TMEM117: variants seen among roughly 807,000 people sequenced by gnomAD.
The protein encoded by TMEM117 is transmembrane protein 117.
TMEM117 carries 27 observed loss-of-function variants against 52.4 expected under a neutral mutation model. That is an observed-to-expected ratio of 0.51 (90% confidence interval 0.38 to 0.71). TMEM117 has a LOEUF of 0.71. TMEM117 is among the 30% of genes least tolerant of loss of function. The pLI is 0.00. For missense variants in TMEM117, 556 were observed against 630.5 expected, an observed-to-expected ratio of 0.88 and a Z score of 1.26; for synonymous variants, 215 against 206.3, an observed-to-expected ratio of 1.04 and a Z score of -0.36.
chr12:44,263,508 T>G (rs1950344087), intron 5 of TMEM117: 1 of 152,194 alleles, frequency 6.6e-6, no homozygotes. Context: ...ACCCCAAGGA[T>G]TATAAATCAT....
At chr12:44,231,704 C>T (rs1223492556) in intron 5 of TMEM117, among the ~76,000 whole-genome samples, 1 of 151,702 alleles carries the variant, frequency 6.6e-6, no homozygotes, top group African/African-American at 2.4e-5. Flanking sequence ...AATTTGTATT[C>T]CCCTGATTAT....
At chr12:44,247,283 A>G (rs1950142655) in intron 5 of TMEM117, among the ~76,000 whole-genome samples, 1 of 152,200 alleles carries the variant, frequency 6.6e-6, no homozygotes, top group Non-Finnish European at 1.5e-5. Context: ...TTAGGAAATA[A>G]TGGTGCTACT....
At chr12:44,346,526 T>G (rs944731539) in intron 6 of TMEM117, among the ~76,000 whole-genome samples, 1 of 152,114 alleles carries the variant, frequency 6.6e-6, no homozygotes, top group Non-Finnish European at 1.5e-5. Flanking sequence ...CTCTTTTTCC[T>G]TTTCCCAATA....
intron 3 of TMEM117, 111 bp from the exon 4 acceptor site, chr12:44,143,414 C>A: frequency 1.4e-6 from 1 of 706,992 alleles, no homozygotes; most frequent in Non-Finnish European, 2.3e-6. Context: ...GGACAAGAGC[C>A]AGACAGCTTG....
intron 3 of TMEM117, among the ~76,000 whole-genome samples, chr12:44,115,689 T>C (rs1948129257): frequency 6.6e-6 from 1 of 152,208 alleles, no homozygotes; most frequent in Non-Finnish European, 1.5e-5. Flanking sequence ...TTATAGTCAT[T>C]ATAATTTTCA....
At chr12:43,992,407 A>G (rs1945958008) in intron 3 of TMEM117, among the ~76,000 whole-genome samples, 1 of 151,926 alleles carries the variant, frequency 6.6e-6, no homozygotes, top group African/African-American at 2.4e-5. Context: ...AGCTGGGACT[A>G]CAGGTGCATG....
intron 3 of TMEM117, among the ~76,000 whole-genome samples, chr12:43,996,038 G>A (rs1199851788): frequency 6.6e-6 from 1 of 151,836 alleles, no homozygotes; most frequent in Non-Finnish European, 1.5e-5. Context: ...AATTTAACCT[G>A]AAACAAATAT....
chr12:44,270,206 G>A (rs982629703), intron 5 of TMEM117, among the ~76,000 whole-genome samples: 7 of 152,072 alleles, frequency 4.6e-5, no homozygotes, highest in African/African-American at 1.7e-4. Context: ...TAATAACTTT[G>A]TAATGTTAAA....
chr12:44,076,258 A>G (rs955405670), intron 3 of TMEM117, among the ~76,000 whole-genome samples: 1 of 152,226 alleles, frequency 6.6e-6, no homozygotes, highest in African/African-American at 2.4e-5. Flanking sequence ...TGATAACATT[A>G]AGAACTATAT....
At chr12:44,224,840 A>C (rs543180794) in intron 5 of TMEM117, among the ~76,000 whole-genome samples, 5 of 152,118 alleles carry the variant, frequency 3.3e-5, no homozygotes, top group Admixed American at 3.3e-4. Flanking sequence ...AATCACCATA[A>C]TTTTGCTCTC....
chr12:44,325,888 C>T (rs1951188402), intron 6 of TMEM117, among the ~76,000 whole-genome samples: 1 of 152,182 alleles, frequency 6.6e-6, no homozygotes, highest in African/African-American at 2.4e-5. Flanking sequence ...AGGCTGGGTG[C>T]AGTGGCTCAC....
At chr12:43,971,022 C>A (rs1341086061) in intron 3 of TMEM117, among the ~76,000 whole-genome samples, 2 of 152,164 alleles carry the variant, frequency 1.3e-5, no homozygotes, top group African/African-American at 4.8e-5. Context: ...TTGCCACCCT[C>A]TCTGTTCCAT....
chr12:44,246,088 T>C (rs1297637438), intron 5 of TMEM117, among the ~76,000 whole-genome samples: 2 of 152,070 alleles, frequency 1.3e-5, no homozygotes, highest in Admixed American at 6.6e-5. Context: ...ATAAGCTCAG[T>C]TTCTCAAGCT....
intron 5 of TMEM117, among the ~76,000 whole-genome samples, chr12:44,223,329 A>T (rs1285943495): frequency 6.6e-6 from 1 of 151,536 alleles, no homozygotes; most frequent in East Asian, 1.9e-4. Flanking sequence ...CTTTACACGA[A>T]GTTCTCCTTT....
intron 6 of TMEM117, among the ~76,000 whole-genome samples, chr12:44,329,840 T>C (rs75368694): frequency 0.041 from 6,278 of 152,186 alleles, 139 homozygotes; most frequent in African/African-American, 0.054. Context: ...GTGTCAGAAT[T>C]TCCTTTCTTT....
At chr12:44,086,934 TAATTATA>T (rs747424754) in intron 3 of TMEM117, among the ~76,000 whole-genome samples, 1 of 148,000 alleles carries the variant, frequency 6.8e-6, no homozygotes, top group Non-Finnish European at 1.5e-5. Flanking sequence ...TATGACTTTA[TAATTATA>T]AATTATATAA....
At chr12:43,865,714 A>G (rs972658903) in intron 2 of TMEM117, among the ~76,000 whole-genome samples, 4 of 150,522 alleles carry the variant, frequency 2.7e-5, no homozygotes, top group Admixed American at 6.6e-5. Flanking sequence ...GAAAAAAAGA[A>G]AAAAAAAAAA....
chr12:43,999,774 G>A (rs970015989), intron 3 of TMEM117, among the ~76,000 whole-genome samples: 6 of 152,124 alleles, frequency 3.9e-5, no homozygotes, highest in Admixed American at 2.0e-4. Context: ...TTACAGATGT[G>A]AGCCACCGTG....
intron 6 of TMEM117, among the ~76,000 whole-genome samples, chr12:44,311,925 A>G (rs189857031): frequency 0.013 from 1,877 of 147,150 alleles, 32 homozygotes; most frequent in South Asian, 0.023. Context: ...ATATATATAT[A>G]TATATTTTTC....
Sources: gnomAD v4.1 joint callset for allele counts (sites outside exome capture counted in the v4.1 genomes callset) on GRCh38, gnomAD v4.1.1 for gene constraint, MANE v1.5 for transcripts, NCBI Gene and HGNC (gene_info 2026-07-23, HGNC 2026-07-21) for gene names.